CIAO3: variants seen among roughly 807,000 people sequenced by gnomAD.
The protein encoded by CIAO3 is LET1 like/JFP15.
Under a neutral mutation model 51.5 loss-of-function variants are expected in CIAO3, and 45 were observed. That is an observed-to-expected ratio of 0.87 (90% CI 0.69 to 1.12). The LOEUF is 1.12. Ranked by LOEUF, CIAO3 falls within the 50% of genes most tolerant of loss-of-function variation. CIAO3 has a pLI of 0.00. For missense variants in CIAO3, 668 were observed against 632.5 expected (o/e 1.06, Z -0.60); for synonymous variants, 314 against 269.3 (o/e 1.17, Z -1.63).
At chr16:736,607 C>T (rs2041341165) in intron 3 of CIAO3, among the ~76,000 whole-genome samples, 2 of 152,056 alleles carry the variant, frequency 1.3e-5, no homozygotes, top group Admixed American at 6.6e-5. Context: ...CAACCTCCGC[C>T]TCCCAGGTTC....
At position 730,157 on chromosome 16, in the gene CIAO3, G is replaced by C. The variant is rs768973959; in HGVS notation, c.*260C>G. ...CTGTGGGCCTCGGCCCAGGGCCAAC[G>C]GAACAGGCTCTGGGACCTCAGGGAA... On this transcript the variant is annotated 3_prime_UTR_variant, in exon 11 of 11. Transcript: ENST00000251588. 29 of 565,194 alleles carry C rather than the reference G, an allele frequency of 5.1e-5. No homozygotes were observed. Among genetic ancestry groups the C allele is most frequent in the South Asian group, 4.5e-4 (21 of 47,058 alleles). The allele number at this position is 565,194 out of a possible 1,614,324, so 35.0% of individuals were successfully genotyped here. A position where few individuals can be genotyped will look rare whatever the true frequency, so the allele number is the denominator to read the frequency against.
chr16:732,168 G>C lies in CIAO3; in HGVS notation c.896+133C>G, dbSNP rs144656494. 2.6e-4 allele frequency: 247 copies of C among 946,020 alleles called. 1 individual carries two copies. In the African/African-American group the frequency reaches 3.6e-3, roughly 14 times the overall value. The allele number at this position is 946,020 out of a possible 1,614,324, so 58.6% of individuals were successfully genotyped here. ...GCTGGGGTGACAGGCGTGAGCTACTGCGCCTGGCTATCCAGCCACTTCTGT... is the reference window on the plus strand; with the variant it reads ...GCTGGGGTGACAGGCGTGAGCTACTCCGCCTGGCTATCCAGCCACTTCTGT... On this transcript the variant is annotated intron_variant, in intron 8 of 10. Coordinates refer to ENST00000251588, the MANE Select transcript of CIAO3 (RefSeq NM_022493.3).
rs114153622 is a variant in CIAO3, at chr16:740,862, C to T, written c.66+58G>A. ...AGGAAGTGGGGCGCAGAGCAATTTC[C>T]CTCCGCGCGACAGGGCACCGAGCGC... On this transcript the variant is annotated intron_variant, in intron 1 of 10. Coordinates refer to ENST00000251588, the MANE Select transcript of CIAO3 (RefSeq NM_022493.3). The T allele has an allele frequency of 1.0e-3, 1,467 of 1,461,660 alleles. 14 individuals carry two copies. The African/African-American group carries it at 0.017, about 17-fold the overall frequency. The allele number at this position is 1,461,660 out of a possible 1,614,324, so 90.5% of individuals were successfully genotyped here.
intron 1 of CIAO3, chr16:740,232 C>T (rs1376891220): frequency 6.7e-6 from 4 of 597,070 alleles, no homozygotes; most frequent in Non-Finnish European, 1.1e-5. Flanking sequence ...CCCAGCAGCC[C>T]GCCTCTCGCC....
chr16:738,888 C>T (rs569270401), intron 2 of CIAO3, among the ~76,000 whole-genome samples: 3 of 150,368 alleles, frequency 2.0e-5, no homozygotes, highest in Admixed American at 6.6e-5. Context: ...ATCCGCCCCC[C>T]CTACCCTGGC....
intron 6 of CIAO3, 44 bp downstream of exon 6, chr16:734,185 G>A: frequency 6.4e-7 from 1 of 1,562,618 alleles, no homozygotes; most frequent in Non-Finnish European, 8.8e-7. Flanking sequence ...AGTCACTTCT[G>A]GCCGCTCCCC....
chr16:732,070 G>A (rs1223624737), intron 8 of CIAO3: 3 of 562,124 alleles, frequency 5.3e-6, no homozygotes, highest in African/African-American at 1.9e-5. Context: ...TAGAGATGAG[G>A]TTTCACCATG....
chr16:737,724 A>G lies in CIAO3; in HGVS notation c.163-395T>C, dbSNP rs1463591016. ...AAAGGAGGAGGCGGGAAAGCTGAGG[A>G]CAAAGGAGGAAAGGACGAAGGCACA... On this transcript the variant is annotated intron_variant, in intron 2 of 10. Transcript: ENST00000251588. This position sits in a 1 kb window ranked among gnomAD's most constrained non-coding sequence, Gnocchi z 5.3. 7.7e-7 allele frequency: 1 copy of G among 1,291,652 alleles called. No individual in the cohort carries two copies. The highest frequency in any genetic ancestry group is 1.0e-6 in the Non-Finnish European group (1 of 990,828). The allele number at this position is 1,291,652 out of a possible 1,614,324, so 80.0% of individuals were successfully genotyped here. A position where few individuals can be genotyped will look rare whatever the true frequency, so the allele number is the denominator to read the frequency against.
chr16:731,536 T>C (rs1396525785), intron 9 of CIAO3, 29 bp downstream of exon 9: 1 of 1,529,212 alleles, frequency 6.5e-7, no homozygotes, highest in Non-Finnish European at 8.8e-7. Context: ...GTGGCCGCTC[T>C]GCCCAGAGAT....
rs1423320183 is a variant in CIAO3, at chr16:739,669, C to T, written c.136G>A (p.Asp46Asn). The T allele has an allele frequency of 1.2e-6, 2 of 1,614,028 alleles. No homozygotes were observed. The highest frequency in any genetic ancestry group is 1.7e-6 in the Non-Finnish European group (2 of 1,180,030). The change falls in exon 2 of 11, where the codon GAC becomes AAC. Residue 46 changes from aspartate (D) to asparagine (N), a missense_variant. Asp to Asn is a conservative substitution (Grantham distance 23). Transcript: ENST00000251588. Reference protein sequence around the residue: ...SGVAKIRIEDDGSYFQINQDG... With the variant: ...SGVAKIRIEDNGSYFQINQDG... ...TGGTTAATTTGGAAGTAGCTCCCGT[C>T]ATCTTCAATGCGAATCTTGGCCACG...
In CIAO3 at chr16:736,151, C is replaced by G. The variant is rs577357824; in HGVS notation, c.439+115G>C. On this transcript the variant is annotated intron_variant, in intron 4 of 10. Coordinates refer to ENST00000251588, the MANE Select transcript of CIAO3 (RefSeq NM_022493.3). ...CACAGAGGGAATAAAGTTTCTGTAG[C>G]GCTGAAGTTCAGGGCTGGGTAGCGT... 110 of 1,337,942 alleles carry G rather than the reference C, an allele frequency of 8.2e-5. No homozygotes were observed. The East Asian group carries it at 2.5e-3, about 30-fold the overall frequency. 82.9% of individuals were successfully genotyped at this position (1,337,942 alleles called of 1,614,324 possible). A position where few individuals can be genotyped will look rare whatever the true frequency, so the allele number is the denominator to read the frequency against.
Position 739,668 on chromosome 16 carries a change from T to C in CIAO3, c.137A>G (p.Asp46Gly). 1.2e-6 allele frequency: 2 copies of C among 1,614,126 alleles called. No individual in the cohort carries two copies. Among genetic ancestry groups the C allele is most frequent in the African/African-American group, 1.3e-5 (1 of 75,058 alleles). ...SGVAKIRIED[D>G]GSYFQINQDG... ...TTGGTTAATTTGGAAGTAGCTCCCG[T>C]CATCTTCAATGCGAATCTTGGCCAC... Residue 46 changes from aspartate to glycine, a missense_variant, in exon 2 of 11, where the codon GAC becomes GGC. By Grantham distance (94) the Asp-to-Gly change is moderately conservative (BLOSUM62 -1). Coordinates refer to ENST00000251588, the MANE Select transcript of CIAO3 (RefSeq NM_022493.3).
rs187338213 is a variant in CIAO3 at position 739,781 on chromosome 16, G to A, written c.67-43C>T. 1.4e-3 allele frequency: 2,209 copies of A among 1,585,970 alleles called. 32 individuals are homozygous for A. The highest frequency in any genetic ancestry group is 2.1e-4 in the Non-Finnish European group (243 of 1,158,136). On this transcript the variant is annotated intron_variant, in intron 1 of 10. Coordinates refer to ENST00000251588, the MANE Select transcript of CIAO3 (RefSeq NM_022493.3). ...CCCAAATCAGCCCCTGTGAGTGGGC[G>A]GAGGTTCCCTGGGAGGCCAGGCCTC...
chr16:732,801 C>T (rs955936821), intron 7 of CIAO3: 4 of 330,066 alleles, frequency 1.2e-5, no homozygotes, highest in African/African-American at 2.2e-5. Flanking sequence ...CTACTCCCGG[C>T]TAATTTTCGT....
chr16:731,838 T>C, intron 8 of CIAO3, 136 bp from the exon 9 acceptor site: 2 of 1,205,594 alleles, frequency 1.7e-6, no homozygotes, highest in East Asian at 2.7e-5. Context: ...GAACAGCTCC[T>C]GTGTCACCAG....
At chr16:732,583 C>T (rs1291772326) in intron 7 of CIAO3, 23 of 665,538 alleles carry the variant, frequency 3.5e-5, no homozygotes, top group Middle Eastern at 2.4e-4. Context: ...GGTGTGCCAG[C>T]GGCCAGGCCA....
At chr16:732,945 T>C in intron 7 of CIAO3, 1 of 328,762 alleles carries the variant, frequency 3.0e-6, no homozygotes, top group Non-Finnish European at 5.8e-6. Flanking sequence ...CACAGTTTGC[T>C]TTTCTGCCTC....
Position 734,574 on chromosome 16 carries a change from C to T in CIAO3, c.574+163G>A. 3 of 1,324,954 alleles carry T rather than the reference C, an allele frequency of 2.3e-6. No individual in the cohort carries two copies. In the South Asian group the frequency reaches 3.6e-5, roughly 16 times the overall value. 82.1% of individuals were successfully genotyped at this position (1,324,954 alleles called of 1,614,324 possible). A position where few individuals can be genotyped will look rare whatever the true frequency, so the allele number is the denominator to read the frequency against. ...CGTGGCTCCCACGGGAGGGCAGCCT[C>T]TTCTCCAGAAAAGGCCATTTGTGCC... On this transcript the variant is annotated intron_variant, in intron 5 of 10. Transcript: ENST00000251588.
Position 739,670 on chromosome 16 carries a change from A to G in CIAO3, c.135T>C (p.Asp45=). Residue 45 remains aspartate (D), a synonymous_variant, in exon 2 of 11, where the codon GAT becomes GAC. Transcript: ENST00000251588. ...GGTTAATTTGGAAGTAGCTCCCGTC[A>G]TCTTCAATGCGAATCTTGGCCACGC... is the stretch of plus-strand genomic sequence containing the variant. ...GSGVAKIRIE[D]DGSYFQINQD... 3 of 1,614,178 alleles carry G rather than the reference A, an allele frequency of 1.9e-6. No individual in the cohort carries two copies. Among genetic ancestry groups the G allele is most frequent in the Non-Finnish European group, 2.5e-6 (3 of 1,180,040 alleles).
Sources: allele counts gnomAD v4.1 joint callset (sites outside exome capture counted in the v4.1 genomes callset), GRCh38; gene constraint gnomAD v4.1.1; non-coding constraint Gnocchi (gnomAD v3.1); transcripts MANE v1.5; gene names NCBI Gene and HGNC (gene_info 2026-07-23, HGNC 2026-07-21).